The following DLG1 variants were observed in gnomAD, a reference collection of about 807,000 sequenced individuals.
The protein encoded by DLG1 is disks large homolog 1.
Under a neutral mutation model 123.4 loss-of-function variants are expected in DLG1, and 42 were observed. The observed-to-expected ratio is 0.34, with a 90% confidence interval of 0.27 to 0.44. The LOEUF (loss-of-function observed/expected upper bound fraction) is 0.44, where lower values mean the gene tolerates loss of function less well. DLG1 is among the 20% of genes least tolerant of loss of function. DLG1 has a pLI of 1.00. For synonymous variants in DLG1, 317 were observed against 356.2 expected (o/e 0.89, Z 1.24); for missense variants, 942 against 1,082.6 (o/e 0.87, Z 1.82).
chr3:197,071,008 ATTT>A (rs1743557014), intron 18 of DLG1: 2 of 152,170 alleles, frequency 1.3e-5, no homozygotes, highest in East Asian at 3.8e-4. Context: ...TTTATTAGAT[ATTT>A]TTATTTGCTT....
At chr3:197,117,366 G>C in intron 12 of DLG1, among the ~76,000 whole-genome samples, 1 of 152,148 alleles carries the variant, frequency 6.6e-6, no homozygotes, top group Non-Finnish European at 1.5e-5. Context: ...GCAGTGATTT[G>C]GACAGATACT....
intron 10 of DLG1, among the ~76,000 whole-genome samples, chr3:197,134,137 G>A (rs1450426722): frequency 2.0e-5 from 3 of 152,168 alleles, no homozygotes; most frequent in African/African-American, 7.2e-5. Context: ...TGGTGAGATG[G>A]TACTGGTTAT....
chr3:197,069,008 A>ACT (rs57032552), intron 19 of DLG1, among the ~76,000 whole-genome samples: 62,799 of 151,766 alleles, frequency 0.41, 13,610 homozygotes, highest in East Asian at 0.74. Flanking sequence ...CACAAATAAT[A>ACT]TTTTTATTTT....
chr3:197,136,726 G>T, intron 9 of DLG1, 48 bp from the exon 10 acceptor site: 1 of 1,527,060 alleles, frequency 6.5e-7, no homozygotes. Context: ...ATGAACTTAA[G>T]CCCAGAAAGA....
rs1202359697 is a variant in DLG1 at position 197,075,380 on chromosome 3, CGTA to C, written c.2005+1203_2005+1205del. ...TATCCCCTCAATAAACTGCTACTTG[CGTA>C]GTATTCTATTGTGCTTTATACTTTT... On this transcript the variant is annotated intron_variant, in intron 18 of 24. Transcript: ENST00000667157. Among the ~76,000 whole-genome samples, 8 of 113,616 alleles carry C rather than the reference CGTA, an allele frequency of 7.0e-5. No individual in the cohort carries two copies. In the East Asian group the frequency reaches 2.0e-3, roughly 28 times the overall value. The allele number at this position is 113,616 out of a possible 152,430, so 74.5% of individuals were successfully genotyped here. A position where few individuals can be genotyped will look rare whatever the true frequency, so the allele number is the denominator to read the frequency against.
At chr3:197,277,130 G>A (rs935173903) in intron 4 of DLG1, among the ~76,000 whole-genome samples, 2 of 151,658 alleles carry the variant, frequency 1.3e-5, no homozygotes, top group South Asian at 2.1e-4. Flanking sequence ...GAGCTTAAGC[G>A]ATCTGCCCAG....
intron 14 of DLG1, among the ~76,000 whole-genome samples, chr3:197,093,437 T>C (rs1758874227): frequency 6.6e-6 from 1 of 152,322 alleles, no homozygotes; most frequent in Non-Finnish European, 1.5e-5. Flanking sequence ...GATTACCCAC[T>C]GTGCCCAGCC....
chr3:197,295,197 T>C (rs1579579762), intron 3 of DLG1, among the ~76,000 whole-genome samples: 1 of 152,174 alleles, frequency 6.6e-6, no homozygotes, highest in African/African-American at 2.4e-5. Flanking sequence ...TATCCTTATG[T>C]TTTTAAAAGT....
chr3:197,076,388 C>T lies in DLG1; in HGVS notation c.2005+198G>A, dbSNP rs186506822. Among the ~76,000 whole-genome samples the T allele has an allele frequency of 1.2e-4, 18 of 152,136 alleles. No homozygotes were observed. The East Asian group carries it at 3.5e-3, about 29-fold the overall frequency. On this transcript the variant is annotated intron_variant, in intron 18 of 24. Coordinates refer to ENST00000667157, the MANE Select transcript of DLG1 (RefSeq NM_001366207.1). ...ACATATAACTGAAAAATAATGTTTG[C>T]TTTAAATTAAGAATTCCTAAGGTGC... is the stretch of plus-strand genomic sequence containing the variant.
chr3:197,068,472 G>C, intron 19 of DLG1: 2 of 1,472,990 alleles, frequency 1.4e-6, no homozygotes, highest in Non-Finnish European at 9.3e-7. Flanking sequence ...ACATGAAAAA[G>C]TATTAGGGAC....
rs545807438 is a variant in DLG1, at chr3:197,141,954, G to A, written c.588+764C>T. On this transcript the variant is annotated intron_variant, in intron 7 of 24. Transcript: ENST00000667157. ...ACTTCTGGCCTCAAGTGATTCACCC[G>A]CCTCGGCCTCCCAAAGTGCTGGGAT... Among the ~76,000 whole-genome samples the A allele has an allele frequency of 2.8e-4, 42 of 152,224 alleles. 2 individuals carry two copies. The South Asian group carries it at 8.3e-3, about 30-fold the overall frequency.
chr3:197,286,579 T>C (rs761149671), intron 3 of DLG1, among the ~76,000 whole-genome samples: 13 of 152,202 alleles, frequency 8.5e-5, no homozygotes, highest in Non-Finnish European at 1.8e-4. Context: ...GGACCCCTGC[T>C]GTACAATACG....
At chr3:197,115,040 C>A (rs1270526350) in intron 13 of DLG1, among the ~76,000 whole-genome samples, 1 of 146,724 alleles carries the variant, frequency 6.8e-6, no homozygotes, top group East Asian at 2.0e-4. Context: ...GCAAGACAGT[C>A]CTATACAACA....
chr3:197,147,557 GA>G (rs1338098486), intron 6 of DLG1, among the ~76,000 whole-genome samples: 8 of 152,022 alleles, frequency 5.3e-5, no homozygotes, highest in African/African-American at 1.9e-4. Context: ...TATTCTAAGT[GA>G]AGTAACTCAG....
chr3:197,055,294 G>C (rs1302375199), intron 23 of DLG1, among the ~76,000 whole-genome samples: 1 of 152,176 alleles, frequency 6.6e-6, no homozygotes, highest in Non-Finnish European at 1.5e-5. Context: ...AGCTCATTTA[G>C]TATCTTGTTT....
chr3:197,238,625 C>T (rs145028093), intron 4 of DLG1, among the ~76,000 whole-genome samples: 2 of 152,252 alleles, frequency 1.3e-5, no homozygotes, highest in Non-Finnish European at 2.9e-5. Context: ...AGATATAGCA[C>T]ATGAACTATC....
chr3:197,145,509 A>G (rs1303624111), intron 6 of DLG1, among the ~76,000 whole-genome samples: 1 of 152,222 alleles, frequency 6.6e-6, no homozygotes, highest in Non-Finnish European at 1.5e-5. Context: ...TGCTAGCTGC[A>G]CTGAGCTCCA....
chr3:197,078,372 T>C (rs1168391382), intron 17 of DLG1: 1 of 151,836 alleles, frequency 6.6e-6, no homozygotes, highest in Non-Finnish European at 1.5e-5. Context: ...GCTCAAATTC[T>C]ATGACTTGAG....
At chr3:197,225,337 T>C (rs1048381433) in intron 4 of DLG1, among the ~76,000 whole-genome samples, 1 of 152,232 alleles carries the variant, frequency 6.6e-6, no homozygotes, top group Non-Finnish European at 1.5e-5. Context: ...TAGAACACAT[T>C]ACTAAATTAA....
Sources: gnomAD v4.1 joint callset for allele counts (sites outside exome capture counted in the v4.1 genomes callset) on GRCh38, gnomAD v4.1.1 for gene constraint, MANE v1.5 for transcripts, NCBI Gene and HGNC (gene_info 2026-07-23, HGNC 2026-07-21) for gene names.